The following DAB1 variants were observed in gnomAD, a reference collection of about 807,000 sequenced individuals.
The protein encoded by DAB1 is disabled homolog 1.
DAB1 carries 15 observed loss-of-function variants against 64.6 expected under a neutral mutation model. The observed-to-expected ratio is 0.23, with a 90% CI of 0.16 to 0.36. The LOEUF is 0.36. Among genes scored for constraint, DAB1 ranks in the 10% least tolerant of loss-of-function variants. The pLI, the probability that DAB1 is intolerant of heterozygous loss-of-function variation, is 1.00. For synonymous variants in DAB1, 235 were observed against 251.9 expected (o/e 0.93, Z 0.64); for missense variants, 596 against 706.7 (o/e 0.84, Z 1.78).
chr1:58,517,817 G>C (rs1191127635), intron 2 of DAB1, among the ~76,000 whole-genome samples: 2 of 151,926 alleles, frequency 1.3e-5, no homozygotes, highest in South Asian at 2.1e-4. Flanking sequence ...TCCAAAGTAG[G>C]GGATTGGTCA....
chr1:57,916,715 A>T (rs1644732222), intron 5 of DAB1, among the ~76,000 whole-genome samples: 1 of 152,170 alleles, frequency 6.6e-6, no homozygotes, highest in Admixed American at 6.5e-5. Context: ...AGGCGAGTGG[A>T]TCACCTGAGG....
At chr1:58,197,047 TAC>T (rs1030938337) in intron 4 of DAB1, among the ~76,000 whole-genome samples, 1 of 152,206 alleles carries the variant, frequency 6.6e-6, no homozygotes, top group African/African-American at 2.4e-5. Flanking sequence ...TTGAGATTCT[TAC>T]AGTCTCCATT....
chr1:57,783,106 C>CTT (rs58761251), intron 6 of DAB1, among the ~76,000 whole-genome samples: 20,872 of 99,822 alleles, frequency 0.21, 2,842 homozygotes, highest in Admixed American at 0.31. Flanking sequence ...TCTCTCTTTT[C>CTT]TTTTTTTTTT....
chr1:57,015,339 C>A lies in DAB1; in HGVS notation c.988G>T (p.Ala330Ser). The change falls in exon 12 of 15, where the codon GCT (alanine) becomes TCT (serine). Residue 330 changes from alanine to serine, a missense_variant. Around this residue, in one of 3 missense-constraint regions of DAB1, gnomAD observed 377 missense variants for 400.4 expected, o/e 0.94. Transcript: ENST00000371236. ...GGCTGAGCCCCCGGCATCACCTGAGCGACTGGTGGCTGGGCACCCATGACC... is the reference window on the plus strand; with the variant it reads ...GGCTGAGCCCCCGGCATCACCTGAGAGACTGGTGGCTGGGCACCCATGACC... ...QMVMGAQPPV[A>S]QVMPGAQPIA... is the part of the protein sequence containing the mutation. 6.2e-7 allele frequency: 1 copy of A among 1,614,030 alleles called. No homozygotes were observed. The highest frequency in any genetic ancestry group is 8.5e-7 in the Non-Finnish European group (1 of 1,180,004).
At chr1:57,519,937 T>A (rs1358108823) in intron 7 of DAB1, among the ~76,000 whole-genome samples, 5 of 152,244 alleles carry the variant, frequency 3.3e-5, no homozygotes, top group African/African-American at 7.2e-5. Context: ...CTCATATACC[T>A]ATCATCCAGT....
chr1:57,281,798 C>T (rs989090517), intron 2 of DAB1, among the ~76,000 whole-genome samples: 1 of 151,836 alleles, frequency 6.6e-6, no homozygotes, highest in Non-Finnish European at 1.5e-5. Context: ...CCTTCGGGGA[C>T]GGGGGCCAGT....
At chr1:57,996,184 G>A (rs1570193648) in intron 5 of DAB1, among the ~76,000 whole-genome samples, 1 of 152,068 alleles carries the variant, frequency 6.6e-6, no homozygotes, top group African/African-American at 2.4e-5. Context: ...TCTGGAACCC[G>A]GGAGGCAGAG....
chr1:58,339,455 C>A (rs1045399997), intron 4 of DAB1, among the ~76,000 whole-genome samples: 2 of 151,970 alleles, frequency 1.3e-5, no homozygotes, highest in Non-Finnish European at 2.9e-5. Flanking sequence ...TATTATGTTA[C>A]AAGGTGATAA....
At chr1:57,230,387 A>G (rs933930266) in intron 2 of DAB1, among the ~76,000 whole-genome samples, 6 of 147,756 alleles carry the variant, frequency 4.1e-5, no homozygotes, top group Non-Finnish European at 8.8e-5. Flanking sequence ...TATCAAACGT[A>G]CTTATCAGAT....
chr1:58,266,882 T>C (rs1661179596), intron 4 of DAB1, among the ~76,000 whole-genome samples: 2 of 152,174 alleles, frequency 1.3e-5, no homozygotes, highest in African/African-American at 4.8e-5. Context: ...TAATCCATCT[T>C]GGTGGTTCTC....
chr1:57,471,826 T>C (rs879785078), intron 7 of DAB1, among the ~76,000 whole-genome samples: 6 of 152,214 alleles, frequency 3.9e-5, no homozygotes, highest in Admixed American at 3.9e-4. Context: ...AAAATTGTCA[T>C]ATATCTGTAT....
intron 6 of DAB1, among the ~76,000 whole-genome samples, chr1:57,684,962 T>C (rs1316996608): frequency 1.4e-4 from 2 of 14,432 alleles, no homozygotes; most frequent in African/African-American, 5.1e-4. Context: ...TCTTTTTTCT[T>C]TTTTTTTTTG....
intron 3 of DAB1, among the ~76,000 whole-genome samples, chr1:58,435,397 A>G (rs1022368206): frequency 1.7e-4 from 26 of 151,644 alleles, no homozygotes; most frequent in African/African-American, 5.8e-4. Context: ...TTTTTCCCCC[A>G]TGGTCGTAGC....
At chr1:58,048,279 C>A (rs35112903) in intron 5 of DAB1, 266,351 of 1,234,662 alleles carry the variant, frequency 0.22, 31,659 homozygotes, top group Admixed American at 0.33. Context: ...CCATAGGGGC[C>A]AGAGCTTCTG....
intron 7 of DAB1, among the ~76,000 whole-genome samples, chr1:57,638,149 T>C (rs954901052): frequency 5.9e-5 from 9 of 152,100 alleles, no homozygotes; most frequent in African/African-American, 1.9e-4. Context: ...TTGTTTTTTG[T>C]TTTTTTGCTA....
intron 2 of DAB1, among the ~76,000 whole-genome samples, chr1:57,153,893 C>T (rs890008793): frequency 2.0e-5 from 3 of 152,160 alleles, no homozygotes; most frequent in African/African-American, 7.2e-5. Context: ...CCTGCCTCGG[C>T]CTTCCAAAGT....
At chr1:57,712,450 T>G (rs990475732) in intron 6 of DAB1, among the ~76,000 whole-genome samples, 8 of 152,244 alleles carry the variant, frequency 5.3e-5, no homozygotes, top group African/African-American at 1.9e-4. Flanking sequence ...GTAACATACT[T>G]TTTGGGAATT....
At chr1:57,017,638 C>T (rs949157628) in intron 11 of DAB1, among the ~76,000 whole-genome samples, 4 of 152,180 alleles carry the variant, frequency 2.6e-5, no homozygotes, top group South Asian at 2.1e-4. Context: ...TGATTAATCT[C>T]GCAGTGTTAA....
intron 2 of DAB1, among the ~76,000 whole-genome samples, chr1:57,254,206 G>A (rs1348650905): frequency 6.6e-6 from 1 of 152,170 alleles, no homozygotes. Context: ...ACAATCTCCT[G>A]GGCTGATTCA....
Sources: allele counts gnomAD v4.1 joint callset (sites outside exome capture counted in the v4.1 genomes callset), GRCh38; gene constraint gnomAD v4.1.1; regional missense constraint gnomAD v4.1.1; transcripts MANE v1.5; gene names NCBI Gene and HGNC (gene_info 2026-07-23, HGNC 2026-07-21).